Variants in UST observed in about 807,000 individuals in gnomAD.
UST encodes the protein chondroitin sulfate 2-O-sulfotransferase.
Under a neutral mutation model 45.6 loss-of-function variants are expected in UST, and 21 were observed. The ratio of observed to expected loss-of-function variants is 0.46; its 90% CI spans 0.33 to 0.66. The LOEUF is 0.66. Ranked by LOEUF, UST falls within the 30% of genes least tolerant of loss-of-function variation. The pLI is 0.02. For missense variants in UST, 463 were observed against 512.4 expected (o/e 0.90, Z 0.93); for synonymous variants, 215 against 200.6 (o/e 1.07, Z -0.61).
Position 148,763,561 on chromosome 6 carries a change from T to C in UST, c.247+15884T>C, listed in dbSNP as rs575233217. ...GTTTTTGTTGCATTGCTTAGCCATA[T>C]ATTCTTTGCCCAGGCCAATGTTCAG... On this transcript the variant is annotated intron_variant, in intron 1 of 7. Coordinates refer to ENST00000367463, the MANE Select transcript of UST (RefSeq NM_005715.3). 9.9e-5 allele frequency among the ~76,000 whole-genome samples: 15 copies of C among 152,090 alleles called. No homozygotes were observed. In the East Asian group the frequency reaches 2.9e-3, roughly 29 times the overall value.
chr6:148,811,795 G>A (rs1035040545), intron 1 of UST, among the ~76,000 whole-genome samples: 1 of 152,180 alleles, frequency 6.6e-6, no homozygotes, highest in Admixed American at 6.5e-5. Flanking sequence ...TGGAAGCTGC[G>A]GGTCTTCACT....
At chr6:148,966,925 C>T (rs930342082) in intron 5 of UST, among the ~76,000 whole-genome samples, 4 of 151,964 alleles carry the variant, frequency 2.6e-5, no homozygotes, top group African/African-American at 4.8e-5. Flanking sequence ...TTAGTAGAGG[C>T]GGGGGTTTCA....
chr6:148,995,165 T>C (rs1781430091), intron 5 of UST, among the ~76,000 whole-genome samples: 1 of 152,174 alleles, frequency 6.6e-6, no homozygotes, highest in Non-Finnish European at 1.5e-5. Context: ...GCTGGAATTA[T>C]AGGCACGCAC....
intron 2 of UST, among the ~76,000 whole-genome samples, chr6:148,937,318 A>G (rs902717548): frequency 6.6e-6 from 1 of 152,202 alleles, no homozygotes; most frequent in Non-Finnish European, 1.5e-5. Flanking sequence ...CACTGTGAGG[A>G]TGTTAAGCCC....
chr6:149,041,692 C>T (rs116171990), intron 7 of UST, among the ~76,000 whole-genome samples: 90 of 152,306 alleles, frequency 5.9e-4, no homozygotes, highest in Admixed American at 1.2e-3. Flanking sequence ...ATGACCAGAA[C>T]AAAGAGAGTT....
chr6:148,887,153 A>T, intron 2 of UST, 124 bp downstream of exon 2: 1 of 764,872 alleles, frequency 1.3e-6, no homozygotes, highest in Non-Finnish European at 2.2e-6. Flanking sequence ...ACATATGTGA[A>T]ATTGATGTTT....
chr6:149,007,099 C>T (rs113492084), intron 5 of UST, among the ~76,000 whole-genome samples: 44 of 147,532 alleles, frequency 3.0e-4, no homozygotes, highest in African/African-American at 1.0e-3. Context: ...GTGATCAAGA[C>T]GTCATTCCAG....
intron 1 of UST, among the ~76,000 whole-genome samples, chr6:148,877,197 CG>C (rs1218520956): frequency 5.2e-5 from 1 of 19,160 alleles, no homozygotes; most frequent in African/African-American, 2.7e-4. Context: ...TGTATGAGTG[CG>C]GGGGGTCATG....
At position 148,851,753 on chromosome 6, in the gene UST, A is replaced by G. The variant is rs549581048; in HGVS notation, c.248-35233A>G. On this transcript the variant is annotated intron_variant, in intron 1 of 7. Coordinates refer to ENST00000367463, the MANE Select transcript of UST (RefSeq NM_005715.3). ...TGATCAGAACATCTGGGTTCGTGCA[A>G]TTTTTCCTGAACCTTTGCAGACTTT... Among the ~76,000 whole-genome samples the G allele has an allele frequency of 2.6e-5, 4 of 152,250 alleles. No individual in the cohort carries two copies. The South Asian group carries it at 6.2e-4, about 24-fold the overall frequency.
At chr6:148,866,751 TA>T (rs769368302) in intron 1 of UST, among the ~76,000 whole-genome samples, 1 of 152,232 alleles carries the variant, frequency 6.6e-6, no homozygotes, top group Non-Finnish European at 1.5e-5. Flanking sequence ...TTATTGTTTT[TA>T]TTCTCCTTAC....
chr6:149,043,003 CT>C (rs1288490558), intron 7 of UST, among the ~76,000 whole-genome samples: 2 of 115,900 alleles, frequency 1.7e-5, no homozygotes, highest in Non-Finnish European at 3.5e-5. Flanking sequence ...TTCTTTCTTT[CT>C]TTCTTTCTTT....
At chr6:149,049,923 T>TCACACACACACACACACACA (rs1165179256) in intron 7 of UST, among the ~76,000 whole-genome samples, 5 of 102,978 alleles carry the variant, frequency 4.9e-5, no homozygotes, top group African/African-American at 1.4e-4. Flanking sequence ...TCTCTCTCTC[T>TCACACACACACACACACACA]CTCTCTCTCA....
intron 5 of UST, among the ~76,000 whole-genome samples, chr6:148,987,465 G>A (rs954587568): frequency 1.3e-5 from 2 of 152,242 alleles, no homozygotes; most frequent in Middle Eastern, 3.4e-3. Flanking sequence ...TAGGCTCACT[G>A]CAGACTGTGT....
intron 3 of UST, among the ~76,000 whole-genome samples, chr6:148,945,056 T>C (rs1780208649): frequency 6.6e-6 from 1 of 152,242 alleles, no homozygotes; most frequent in South Asian, 2.1e-4. Context: ...TTTCATTCTC[T>C]TTAAAGAAAA....
Position 148,806,478 on chromosome 6 carries a change from A to G in UST, c.247+58801A>G, listed in dbSNP as rs1255869392. The stretch of plus-strand genomic sequence containing the variant: ...CTCAGCCTCTCAAGTAGCTGGGACT[A>G]CAGGCACACACCACTGGCTTTTTTT... On this transcript the variant is annotated intron_variant, in intron 1 of 7. Transcript: ENST00000367463. 3.4e-5 allele frequency among the ~76,000 whole-genome samples: 5 copies of G among 146,952 alleles called. No individual in the cohort carries two copies. In the East Asian group the frequency reaches 8.0e-4, roughly 24 times the overall value.
At chr6:148,926,352 A>C (rs1179881942) in intron 2 of UST, among the ~76,000 whole-genome samples, 1 of 152,364 alleles carries the variant, frequency 6.6e-6, no homozygotes, top group East Asian at 1.9e-4. Context: ...AGAAAGGCCT[A>C]TATCAGAAAT....
intron 1 of UST, among the ~76,000 whole-genome samples, chr6:148,788,039 A>G (rs1266896329): frequency 2.0e-5 from 3 of 152,238 alleles, no homozygotes. Flanking sequence ...AAGAGGTTTA[A>G]TGGACTTACA....
chr6:148,870,104 T>TCACACACACACACACACACACACA lies in UST; in HGVS notation c.248-16867_248-16844dup, dbSNP rs60229120. Among the ~76,000 whole-genome samples the TCACACACACACACACACACACACA allele has an allele frequency of 9.7e-3, 1,376 of 141,486 alleles. 16 individuals carry two copies. Among genetic ancestry groups the TCACACACACACACACACACACACA allele is most frequent in the Admixed American group, 0.012 (170 of 14,268 alleles). 92.8% of individuals were successfully genotyped at this position (141,486 alleles called of 152,430 possible). On this transcript the variant is annotated intron_variant, in intron 1 of 7. Coordinates refer to ENST00000367463, the MANE Select transcript of UST (RefSeq NM_005715.3). ...CCCCCAGCTTCACAGTGGTAATGTT[T>TCACACACACACACACACACACACA]CACACACACACACACACACACACAC...
chr6:148,914,702 A>G (rs1011605271), intron 2 of UST, among the ~76,000 whole-genome samples: 2 of 152,138 alleles, frequency 1.3e-5, no homozygotes, highest in African/African-American at 4.8e-5. Flanking sequence ...TCGCCCGCCC[A>G]CCACTCACCT....
Sources: gnomAD v4.1 joint callset for allele counts (sites outside exome capture counted in the v4.1 genomes callset) on GRCh38, gnomAD v4.1.1 for gene constraint, MANE v1.5 for transcripts, NCBI Gene and HGNC (gene_info 2026-07-23, HGNC 2026-07-21) for gene names.